ABCA1: variants seen among roughly 807,000 people sequenced by gnomAD.
The protein encoded by ABCA1 is phospholipid-transporting ATPase ABCA1.
ABCA1 carries 133 observed loss-of-function variants against 262.5 expected under a neutral mutation model. The ratio of observed to expected loss-of-function variants is 0.51; its 90% CI spans 0.44 to 0.59. The LOEUF is 0.59. Ranked by LOEUF, ABCA1 falls within the 20% of genes least tolerant of loss-of-function variation. ABCA1 has a pLI of 0.00. For missense variants in ABCA1, 2,452 were observed against 2,777.5 expected, an observed-to-expected ratio of 0.88 and a Z score of 2.63; for synonymous variants, 1,022 against 1,043.5, an observed-to-expected ratio of 0.98 and a Z score of 0.40.
chr9:104,832,193 T>C (rs4149304), intron 12 of ABCA1, among the ~76,000 whole-genome samples: 9,057 of 152,254 alleles, frequency 0.059, 472 homozygotes, highest in East Asian at 0.28. Flanking sequence ...ATTTTTAATA[T>C]AAAATTTCAA....
chr9:104,852,870 A>G (rs1477746307), intron 7 of ABCA1, among the ~76,000 whole-genome samples: 1 of 152,224 alleles, frequency 6.6e-6, no homozygotes, highest in East Asian at 1.9e-4. Context: ...AAACCCACAC[A>G]GACGCTTTAA....
chr9:104,820,298 C>G (rs992211894), intron 20 of ABCA1, among the ~76,000 whole-genome samples: 1 of 152,210 alleles, frequency 6.6e-6, no homozygotes, highest in African/African-American at 2.4e-5. Context: ...CGCTTCCAAC[C>G]TGTTTCCAGC....
chr9:104,842,783 A>G (rs1423760163), intron 8 of ABCA1, among the ~76,000 whole-genome samples: 1 of 152,134 alleles, frequency 6.6e-6, no homozygotes, highest in African/African-American at 2.4e-5. Context: ...ACCAGAGTGT[A>G]AACAGTCTAA....
At position 104,823,446 on chromosome 9, in the gene ABCA1, G is replaced by A. The variant is rs145060803; in HGVS notation, c.2657-779C>T. Among the ~76,000 whole-genome samples the A allele has an allele frequency of 7.8e-3, 1,188 of 152,252 alleles. 15 individuals carry two copies. Among genetic ancestry groups the A allele is most frequent in the African/African-American group, 0.027 (1,116 of 41,532 alleles). ...CAGTTACACATGCTGCTACCATTGG[G>A]GAAACTGGATGAAAGGTTTAAGGGA... On this transcript the variant is annotated intron_variant, in intron 18 of 49. Coordinates refer to ENST00000374736, the MANE Select transcript of ABCA1 (RefSeq NM_005502.4).
At chr9:104,925,375 C>CACAAAAAAAA (rs776963394) in intron 1 of ABCA1, among the ~76,000 whole-genome samples, 2 of 123,242 alleles carry the variant, frequency 1.6e-5, no homozygotes, top group Non-Finnish European at 3.4e-5. Context: ...GACTGCATCT[C>CACAAAAAAAA]AAAAAAAAAA....
At chr9:104,873,929 G>A (rs753911377) in intron 5 of ABCA1, among the ~76,000 whole-genome samples, 12 of 152,244 alleles carry the variant, frequency 7.9e-5, no homozygotes, top group Admixed American at 5.9e-4. Flanking sequence ...AGGCCATCTG[G>A]CTGCCAAGTC....
chr9:104,787,833 C>T, intron 46 of ABCA1, 87 bp downstream of exon 46: 1 of 1,613,318 alleles, frequency 6.2e-7, no homozygotes, highest in South Asian at 1.1e-5. Flanking sequence ...GCCAATCATA[C>T]AACAGCCCTG....
chr9:104,900,044 ATG>A (rs1192141252), intron 2 of ABCA1, among the ~76,000 whole-genome samples: 4 of 152,202 alleles, frequency 2.6e-5, no homozygotes, highest in Non-Finnish European at 5.9e-5. Flanking sequence ...ACCCTGGCTG[ATG>A]GTCCCCCCTC....
At chr9:104,859,066 C>A (rs1396745854) in intron 6 of ABCA1, among the ~76,000 whole-genome samples, 1 of 152,206 alleles carries the variant, frequency 6.6e-6, no homozygotes, top group Non-Finnish European at 1.5e-5. Flanking sequence ...GAACAACATC[C>A]TCACTATTTT....
chr9:104,836,861 C>T (rs1207765521), intron 11 of ABCA1, 119 bp downstream of exon 11: 1 of 829,176 alleles, frequency 1.2e-6, no homozygotes, highest in East Asian at 2.5e-5. Flanking sequence ...ATGCTCACTA[C>T]ATTCCCCCAG....
intron 39 of ABCA1, 109 bp from the exon 40 acceptor site, chr9:104,794,619 A>T (rs553119515): frequency 2.2e-6 from 3 of 1,360,948 alleles, no homozygotes; most frequent in Non-Finnish European, 3.0e-6. Context: ...ATGGGAGTGA[A>T]GAAAAAATTT....
chr9:104,859,960 C>G (rs1836197603), intron 6 of ABCA1, among the ~76,000 whole-genome samples: 1 of 149,380 alleles, frequency 6.7e-6, no homozygotes, highest in Non-Finnish European at 1.5e-5. Context: ...GAGGCTGAAG[C>G]AGAGAATCAC....
chr9:104,854,442 C>T (rs919809018), intron 7 of ABCA1, among the ~76,000 whole-genome samples: 3 of 151,400 alleles, frequency 2.0e-5, no homozygotes, highest in Non-Finnish European at 2.9e-5. Context: ...TATTTGGTGA[C>T]TTGTTATAGT....
chr9:104,878,437 A>T (rs1455578464), intron 5 of ABCA1, among the ~76,000 whole-genome samples: 2 of 152,208 alleles, frequency 1.3e-5, no homozygotes, highest in Non-Finnish European at 2.9e-5. Flanking sequence ...AGTTCTTCCC[A>T]GTTGAAAGAT....
chr9:104,804,590 A>G, intron 32 of ABCA1, 36 bp downstream of exon 32: 1 of 1,525,938 alleles, frequency 6.6e-7, no homozygotes, highest in Non-Finnish European at 9.1e-7. Flanking sequence ...CTAATTAGTA[A>G]TAATACGGCA....
intron 37 of ABCA1, among the ~76,000 whole-genome samples, chr9:104,797,187 T>C (rs73519816): frequency 0.028 from 4,210 of 152,260 alleles, 202 homozygotes; most frequent in African/African-American, 0.096. Flanking sequence ...GTTCAGGGAC[T>C]TGACCTTTCA....
In ABCA1 at chr9:104,816,277, G is replaced by A. The variant is rs751117806; in HGVS notation, c.3604C>T (p.His1202Tyr). The A allele has an allele frequency of 6.2e-7, 1 of 1,614,088 alleles. No homozygotes were observed. The highest frequency in any genetic ancestry group is 1.7e-5 in the Admixed American group (1 of 60,012). The change falls in exon 25 of 50, where the codon CAT (histidine) becomes TAT (tyrosine). Residue 1202 changes from histidine to tyrosine, a missense_variant. His to Tyr is a moderately conservative substitution (Grantham distance 83, BLOSUM62 2). Around this residue, in one of 4 missense-constraint regions of ABCA1, gnomAD observed 665 missense variants for 727.3 expected, o/e 0.91. Coordinates refer to ENST00000374736, the MANE Select transcript of ABCA1 (RefSeq NM_005502.4). ...SEARLVEDIG[H>Y]ELTYVLPYEA... ...TATGGCAGCACATAGGTCAGCTCATGCCCTATGTCTTCCACCAGCCGGGCT... is the reference window on the plus strand; with the variant it reads ...TATGGCAGCACATAGGTCAGCTCATACCCTATGTCTTCCACCAGCCGGGCT...
chr9:104,889,069 G>T, intron 3 of ABCA1, 33 bp downstream of exon 3: 1 of 1,580,620 alleles, frequency 6.3e-7, no homozygotes, highest in Non-Finnish European at 8.7e-7. Flanking sequence ...CCCTGCCATT[G>T]GTGAGTCTCA....
chr9:104,925,511 T>C (rs560150450), intron 1 of ABCA1, among the ~76,000 whole-genome samples: 1 of 152,326 alleles, frequency 6.6e-6, no homozygotes, highest in East Asian at 1.9e-4. Flanking sequence ...TATGTCATTC[T>C]GGAACACTAT....
Sources: gnomAD v4.1 joint callset for allele counts (sites outside exome capture counted in the v4.1 genomes callset) on GRCh38, gnomAD v4.1.1 for gene constraint, gnomAD v4.1.1 regional missense constraint, MANE v1.5 for transcripts, NCBI Gene and HGNC (gene_info 2026-07-23, HGNC 2026-07-21) for gene names.